The following ZNF566 variants were observed in gnomAD, a reference collection of about 807,000 sequenced individuals.
The protein encoded by ZNF566 is zinc finger protein 566.
Under a neutral mutation model 32.8 loss-of-function variants are expected in ZNF566, and 27 were observed. The observed-to-expected ratio is 0.82, with a 90% CI of 0.61 to 1.14. The LOEUF (loss-of-function observed/expected upper bound fraction) is 1.14, where lower values mean the gene tolerates loss of function less well. Among genes scored for constraint, ZNF566 ranks in the 50% most tolerant of loss-of-function variants. ZNF566 has a pLI of 0.00. For missense variants in ZNF566, 402 were observed against 490.4 expected, an observed-to-expected ratio of 0.82 and a Z score of 1.70; for synonymous variants, 154 against 159.5, an observed-to-expected ratio of 0.97 and a Z score of 0.26.
intron 4 of ZNF566, among the ~76,000 whole-genome samples, chr19:36,464,437 A>G (rs1229635101): frequency 1.3e-5 from 2 of 152,162 alleles, no homozygotes; most frequent in Non-Finnish European, 2.9e-5. Context: ...GATTATAGGC[A>G]TGAGCTACCA....
At chr19:36,450,568 C>T (rs1328983799) in intron 4 of ZNF566, among the ~76,000 whole-genome samples, 6 of 152,072 alleles carry the variant, frequency 3.9e-5, no homozygotes, top group South Asian at 2.1e-4. Flanking sequence ...TGCTTGAACC[C>T]GGGAGGCAGA....
chr19:36,448,992 T>G lies in ZNF566; in HGVS notation c.1242A>C (p.Gln414His), dbSNP rs779479919. 6.3e-7 allele frequency: 1 copy of G among 1,583,284 alleles called. No homozygotes were observed. Among genetic ancestry groups the G allele is most frequent in the Non-Finnish European group, 8.6e-7 (1 of 1,167,868 alleles). Residue 414 changes from glutamine to histidine, a missense_variant, in exon 5 of 5, where the codon CAA becomes CAC. Around this residue, in one of 3 missense-constraint regions of ZNF566, gnomAD observed 47 missense variants for 38.5 expected, o/e 1.22. Coordinates refer to ENST00000452939, the MANE Select transcript of ZNF566 (RefSeq NM_001145344.1). ...FNYDPQLIQH[Q>H]NLYW Reference sequence around the variant, plus strand: ...TTCTGTTTCATCACCAGTACAAATTTTGATGCTGAATAAGTTGTGGGTCAT... The same window carrying G: ...TTCTGTTTCATCACCAGTACAAATTGTGATGCTGAATAAGTTGTGGGTCAT...
chr19:36,449,463 A>G lies in ZNF566; in HGVS notation c.771T>C (p.Cys257=), dbSNP rs775006749. ...TACTAAAGGCTTTCCCACATTCCTT[A>G]CATTCATAGGGTTTCTCACCAGTGT... ...RIHTGEKPYE[C]KECGKAFSSG... The change falls in exon 5 of 5, where the codon TGT becomes TGC. Residue 257 remains cysteine, a synonymous_variant. Transcript: ENST00000452939. The G allele has an allele frequency of 6.2e-7, 1 of 1,614,134 alleles. No homozygotes were observed. Among genetic ancestry groups the G allele is most frequent in the Admixed American group, 1.7e-5 (1 of 60,006 alleles).
intron 1 of ZNF566, 51 bp from the exon 2 acceptor site, chr19:36,476,667 T>C (rs2033894428): frequency 6.9e-7 from 1 of 1,445,164 alleles, no homozygotes; most frequent in Non-Finnish European, 9.5e-7. Context: ...TCACAGCTCC[T>C]GGCCCAGAAT....
chr19:36,458,628 T>C (rs1283724151), intron 4 of ZNF566, among the ~76,000 whole-genome samples: 1 of 152,244 alleles, frequency 6.6e-6, no homozygotes, highest in African/African-American at 2.4e-5. Flanking sequence ...ATACCATTAA[T>C]GGTAATACCA....
chr19:36,473,201 T>C (rs1157670701), intron 3 of ZNF566, 131 bp downstream of exon 3: 1 of 1,225,328 alleles, frequency 8.2e-7, no homozygotes, highest in African/African-American at 1.5e-5. Context: ...AACTCTACCA[T>C]ATTCAGAACA....
chr19:36,475,985 G>C (rs1210311197), intron 2 of ZNF566: 5 of 152,066 alleles, frequency 3.3e-5, no homozygotes, highest in Non-Finnish European at 7.4e-5. Flanking sequence ...TCAACCACTT[G>C]GCTGACTAAC....
chr19:36,477,545 G>GTTTTTTTTTTTTTTTTTT (rs2033924883), intron 1 of ZNF566, among the ~76,000 whole-genome samples: 1 of 84,934 alleles, frequency 1.2e-5, no homozygotes, highest in Admixed American at 1.2e-4. Flanking sequence ...TTGTTTGTTT[G>GTTTTTTTTTTTTTTTTTT]TTTGTTTTTT....
chr19:36,472,928 G>C lies in ZNF566; in HGVS notation c.215C>G (p.Thr72Arg), dbSNP rs769041473. The C allele has an allele frequency of 3.2e-5, 51 of 1,613,820 alleles. No individual in the cohort carries two copies. Among genetic ancestry groups the C allele is most frequent in the Non-Finnish European group, 4.3e-5 (51 of 1,179,934 alleles). ...TCACTTACCTGGCCACTGGCCTCTT[G>C]TTAGCTCTCTGTCAGCCAACCAGGG... ...KEPWLADREL[T>R]RGQWPVLESR... The change falls in exon 4 of 5, where the codon ACA (threonine) becomes AGA (arginine). Residue 72 changes from threonine to arginine, a missense_variant. This residue lies in a region of ZNF566 where 220 missense variants were observed against 241.9 expected (regional missense o/e 0.91). Coordinates refer to ENST00000452939, the MANE Select transcript of ZNF566 (RefSeq NM_001145344.1).
At chr19:36,479,818 CTTTG>C (rs55759802) in intron 1 of ZNF566, among the ~76,000 whole-genome samples, 27,796 of 152,006 alleles carry the variant, frequency 0.18, 2,727 homozygotes, top group Non-Finnish European at 0.23. Flanking sequence ...GGTTTTGTTT[CTTTG>C]TTTGTTTGCG....
intron 3 of ZNF566, 96 bp from the exon 4 acceptor site, chr19:36,473,102 A>G (rs1176520517): frequency 2.4e-6 from 3 of 1,235,630 alleles, no homozygotes; most frequent in Non-Finnish European, 2.3e-6. Context: ...TGGCATTATG[A>G]GAAGAGTCAA....
At chr19:36,473,125 C>T (rs989161400) in intron 3 of ZNF566, 119 bp from the exon 4 acceptor site, 9 of 1,109,100 alleles carry the variant, frequency 8.1e-6, no homozygotes, top group Admixed American at 2.2e-5. Context: ...AGAGGTACAA[C>T]GGACTTATGA....
At chr19:36,474,427 TC>T (rs1401939004) in intron 2 of ZNF566, among the ~76,000 whole-genome samples, 1 of 152,160 alleles carries the variant, frequency 6.6e-6, no homozygotes, top group East Asian at 1.9e-4. Flanking sequence ...AGCCATGAGC[TC>T]GCTTGGCAGA....
chr19:36,461,657 C>T (rs976634206), intron 4 of ZNF566, among the ~76,000 whole-genome samples: 3 of 151,610 alleles, frequency 2.0e-5, no homozygotes, highest in Admixed American at 1.3e-4. Flanking sequence ...GGCGACAGAG[C>T]GAGACTCTGT....
At chr19:36,480,655 GA>G (rs111827236) in intron 1 of ZNF566, among the ~76,000 whole-genome samples, 12 of 124,240 alleles carry the variant, frequency 9.7e-5, no homozygotes, top group South Asian at 2.5e-4. Context: ...CACCCAACTG[GA>G]AAAAAAAAAA....
chr19:36,473,138 CAT>C (rs971206213), intron 3 of ZNF566, 132 bp from the exon 4 acceptor site: 1 of 1,068,128 alleles, frequency 9.4e-7, no homozygotes, highest in African/African-American at 1.6e-5. Context: ...ACTTATGAAA[CAT>C]AACGGAAGAT....
In ZNF566 at chr19:36,446,932, T is replaced by TGG. The variant is rs955005743; in HGVS notation, c.*2043_*2044dup. 5.9e-5 allele frequency: 9 copies of TGG among 152,150 alleles called. No individual in the cohort carries two copies. Among genetic ancestry groups the TGG allele is most frequent in the African/African-American group, 2.2e-4 (9 of 41,428 alleles). The allele number at this position is 152,150 out of a possible 1,614,324, so 9.4% of individuals were successfully genotyped here. A position where few individuals can be genotyped will look rare whatever the true frequency, so the allele number is the denominator to read the frequency against. ...TTCCACATATGCGATCTGTCCAGCG[T>TGG]GGGGAGCTGCTTGCTGAGCATGTTT... On this transcript the variant is annotated 3_prime_UTR_variant, in exon 5 of 5. Coordinates refer to ENST00000452939, the MANE Select transcript of ZNF566 (RefSeq NM_001145344.1).
chr19:36,458,129 G>A (rs2145651431), intron 4 of ZNF566, among the ~76,000 whole-genome samples: 1 of 151,978 alleles, frequency 6.6e-6, no homozygotes, highest in South Asian at 2.1e-4. Context: ...ATCAGTATGG[G>A]GGAAAAAAAA....
intron 4 of ZNF566, among the ~76,000 whole-genome samples, chr19:36,466,835 G>A (rs916825062): frequency 2.6e-5 from 4 of 151,926 alleles, no homozygotes; most frequent in South Asian, 2.1e-4. Context: ...GCACTTTGCC[G>A]AGGCAGGTGG....
Sources: gnomAD v4.1 joint callset for allele counts (sites outside exome capture counted in the v4.1 genomes callset) on GRCh38, gnomAD v4.1.1 for gene constraint, gnomAD v4.1.1 regional missense constraint, MANE v1.5 for transcripts, NCBI Gene and HGNC (gene_info 2026-07-23, HGNC 2026-07-21) for gene names.